Variants in ATG7 observed in about 807,000 individuals in gnomAD.
ATG7 encodes ubiquitin-like modifier-activating enzyme ATG7.
A neutral mutation model predicts 82.4 loss-of-function variants in ATG7; 70 were observed. That is an observed-to-expected ratio of 0.85 (90% confidence interval 0.70 to 1.04). The LOEUF (loss-of-function observed/expected upper bound fraction) is 1.04. ATG7 is among the 50% of genes least tolerant of loss of function. ATG7 has a pLI of 0.00. For missense variants in ATG7, 792 were observed against 864.3 expected, an observed-to-expected ratio of 0.92 and a Z score of 1.05; for synonymous variants, 287 against 313.0, an observed-to-expected ratio of 0.92 and a Z score of 0.88.
At chr3:11,551,623 T>A (rs2071793319) in intron 20 of ATG7, among the ~76,000 whole-genome samples, 1 of 152,196 alleles carries the variant, frequency 6.6e-6, no homozygotes. Context: ...AGAGAGAGGG[T>A]CTTGCTCTAT....
At chr3:11,392,313 T>C (rs1354241450) in intron 19 of ATG7, among the ~76,000 whole-genome samples, 1 of 151,992 alleles carries the variant, frequency 6.6e-6, no homozygotes, top group African/African-American at 2.4e-5. Context: ...TCCAAGACAG[T>C]GCTGTTTTGA....
chr3:11,277,832 A>T (rs1942142656), intron 1 of ATG7, among the ~76,000 whole-genome samples: 1 of 140,882 alleles, frequency 7.1e-6, no homozygotes, highest in Non-Finnish European at 1.5e-5. Context: ...AGAACAGGGC[A>T]TATTTCAGTC....
intron 3 of ATG7, among the ~76,000 whole-genome samples, chr3:11,298,178 TAA>T (rs202087285): frequency 7.0e-6 from 1 of 142,092 alleles, no homozygotes; most frequent in East Asian, 2.0e-4. Context: ...CCATCTCAAT[TAA>T]AAAAAAAAAA....
chr3:11,460,813 T>C (rs1337913058), intron 20 of ATG7, among the ~76,000 whole-genome samples: 1 of 152,248 alleles, frequency 6.6e-6, no homozygotes, highest in Non-Finnish European at 1.5e-5. Flanking sequence ...TCACTGTCTA[T>C]GCCTGGTAAG....
intron 7 of ATG7, among the ~76,000 whole-genome samples, chr3:11,312,986 A>AG (rs1948893941): frequency 6.6e-6 from 1 of 152,170 alleles, no homozygotes; most frequent in African/African-American, 2.4e-5. Flanking sequence ...AATACCTCCC[A>AG]GGGGGGTTTT....
At chr3:11,570,100 C>A in the ATG7 span, among the ~76,000 whole-genome samples, 1,185 of 152,214 alleles carry the variant, frequency 7.8e-3, 10 homozygotes, top group South Asian at 0.017. Flanking sequence ...CTGATGTGCA[C>A]AGGGCAGGTC....
chr3:11,567,936 G>C, the ATG7 span, among the ~76,000 whole-genome samples: 1 of 152,224 alleles, frequency 6.6e-6, no homozygotes, highest in African/African-American at 2.4e-5. Context: ...TCATGTCCCA[G>C]ATTCAGGAGA....
chr3:11,409,812 C>T (rs2080725352), intron 19 of ATG7, among the ~76,000 whole-genome samples: 1 of 150,226 alleles, frequency 6.7e-6, no homozygotes, highest in Non-Finnish European at 1.5e-5. Context: ...CCAGTTGCTA[C>T]AGCACGATTT....
chr3:11,399,709 GGAT>G (rs780236630), intron 19 of ATG7, among the ~76,000 whole-genome samples: 5 of 152,108 alleles, frequency 3.3e-5, no homozygotes, highest in African/African-American at 4.8e-5. Context: ...CGAGTAGCCG[GGAT>G]TATAGGCATA....
At chr3:11,280,102 A>G (rs1418081141) in intron 1 of ATG7, among the ~76,000 whole-genome samples, 1 of 150,910 alleles carries the variant, frequency 6.6e-6, no homozygotes, top group Non-Finnish European at 1.5e-5. Context: ...GCTGGAGTGC[A>G]GTAGTGCTAT....
chr3:11,388,528 A>T (rs533822373), intron 19 of ATG7, among the ~76,000 whole-genome samples: 2 of 150,570 alleles, frequency 1.3e-5, no homozygotes, highest in South Asian at 4.2e-4. Context: ...TCCCAGGTTC[A>T]TGCCATTCTC....
At chr3:11,525,479 C>T (rs1374716230) in intron 20 of ATG7, among the ~76,000 whole-genome samples, 2 of 145,798 alleles carry the variant, frequency 1.4e-5, no homozygotes, top group Non-Finnish European at 3.0e-5. Context: ...TACTCCTTTG[C>T]CCTTGTATGT....
At chr3:11,451,120 AC>A (rs1185545365) in intron 20 of ATG7, among the ~76,000 whole-genome samples, 1 of 152,222 alleles carries the variant, frequency 6.6e-6, no homozygotes, top group Non-Finnish European at 1.5e-5. Context: ...TTTAAAGAAA[AC>A]CCAAAACTTT....
the ATG7 span, among the ~76,000 whole-genome samples, chr3:11,567,570 T>C: frequency 8.5e-4 from 129 of 152,322 alleles, no homozygotes; most frequent in Non-Finnish European, 1.5e-3. Context: ...ACCTTAATAC[T>C]GAAACCAGCC....
At chr3:11,471,303 CA>C (rs2087491923) in intron 20 of ATG7, among the ~76,000 whole-genome samples, 1 of 152,154 alleles carries the variant, frequency 6.6e-6, no homozygotes, top group Admixed American at 6.5e-5. Flanking sequence ...TTCTGCCTGG[CA>C]AACACCTACT....
At chr3:11,480,489 C>T (rs981646444) in intron 20 of ATG7, among the ~76,000 whole-genome samples, 8 of 151,986 alleles carry the variant, frequency 5.3e-5, no homozygotes, top group South Asian at 2.1e-4. Context: ...CGATGGTTTG[C>T]GGCAGGGGGC....
intron 20 of ATG7, among the ~76,000 whole-genome samples, chr3:11,489,046 GT>G (rs1343692283): frequency 0.013 from 2,037 of 151,870 alleles, 42 homozygotes; most frequent in African/African-American, 0.047. Flanking sequence ...ACTCTTTTTG[GT>G]TGGTAAGCTA....
downstream of ATG7, among the ~76,000 whole-genome samples, chr3:11,559,785 C>T (rs1189173885): frequency 6.6e-6 from 1 of 152,200 alleles, no homozygotes; most frequent in African/African-American, 2.4e-5. Flanking sequence ...CAGAGGGTTG[C>T]AGGAGGGACC....
intron 20 of ATG7, among the ~76,000 whole-genome samples, chr3:11,429,544 A>G (rs147494923): frequency 7.2e-5 from 11 of 152,018 alleles, no homozygotes; most frequent in African/African-American, 2.2e-4. Context: ...CCAACTTTGA[A>G]AAATCAGATC....
Sources: gnomAD v4.1 joint callset for allele counts (sites outside exome capture counted in the v4.1 genomes callset) on GRCh38, gnomAD v4.1.1 for gene constraint, MANE v1.5 for transcripts, NCBI Gene and HGNC (gene_info 2026-07-23, HGNC 2026-07-21) for gene names.